Variants in CNTN5 observed in about 807,000 individuals in gnomAD.
CNTN5 encodes contactin-5.
A neutral mutation model predicts 129.1 loss-of-function variants in CNTN5; 77 were observed. The observed-to-expected ratio is 0.60, with a 90% CI of 0.50 to 0.72. The LOEUF (loss-of-function observed/expected upper bound fraction) is 0.72. Among genes scored for constraint, CNTN5 ranks in the 30% least tolerant of loss-of-function variants. The probability of loss-of-function intolerance (pLI) is 0.00; values close to 1 mark genes in which losing one functional copy is unlikely to be tolerated. For synonymous variants in CNTN5, 509 were observed against 465.6 expected (o/e 1.09, Z -1.20); for missense variants, 1,478 against 1,328.8 (o/e 1.11, Z -1.75).
intron 1 of CNTN5, among the ~76,000 whole-genome samples, chr11:99,305,478 G>A (rs1410900647): frequency 6.6e-6 from 1 of 152,026 alleles, no homozygotes; most frequent in East Asian, 1.9e-4. Context: ...AAATTTCTAG[G>A]TCAGTTTTTT....
At chr11:99,896,286 C>A (rs1158021417) in intron 6 of CNTN5, among the ~76,000 whole-genome samples, 4 of 152,280 alleles carry the variant, frequency 2.6e-5, no homozygotes, top group East Asian at 3.9e-4. Context: ...ACTTACTCAT[C>A]CCCTGGCTGA....
At chr11:99,309,581 C>A (rs900957721) in intron 1 of CNTN5, among the ~76,000 whole-genome samples, 4 of 152,180 alleles carry the variant, frequency 2.6e-5, no homozygotes, top group Admixed American at 6.6e-5. Flanking sequence ...GAAATATTTT[C>A]AACAAATAGA....
rs1952519891 is a variant in CNTN5, at chr11:100,356,163, A to T, written c.3246A>T (p.Thr1082=). The T allele has an allele frequency of 1.2e-6, 2 of 1,610,516 alleles. No homozygotes were observed. The highest frequency in any genetic ancestry group is 2.7e-5 in the African/African-American group (2 of 74,716). ...SAQSTLHSLS[T]SSSSVTLLLA... ...AGTCGACCCTTCACTCTCTCTCCACATCTTCGTCATCAGTCACCTTGCTCT... is the reference window on the plus strand; with the variant it reads ...AGTCGACCCTTCACTCTCTCTCCACTTCTTCGTCATCAGTCACCTTGCTCT... Residue 1082 remains threonine, a synonymous_variant, in exon 25 of 25, where the codon ACA becomes ACT. Transcript: ENST00000524871.
Position 99,514,969 on chromosome 11 carries a change from C to G in CNTN5, c.-70-41176C>G, listed in dbSNP as rs114332965. On this transcript the variant is annotated intron_variant, in intron 2 of 24. Transcript: ENST00000524871. ...AAAGGAAGATATTAGACTTTCATCT[C>G]ATAGCTTTTTAAAAAACGATGTGCA... Among the ~76,000 whole-genome samples the G allele has an allele frequency of 8.5e-3, 1,287 of 152,060 alleles. 20 individuals are homozygous for G. The highest frequency in any genetic ancestry group is 0.029 in the African/African-American group (1,218 of 41,502).
At chr11:100,309,191 C>G in intron 21 of CNTN5, 1 of 984,878 alleles carries the variant, frequency 1.0e-6, no homozygotes, top group Non-Finnish European at 1.2e-6. Context: ...AGCATCTGAC[C>G]CAAGACTTTA....
chr11:99,806,589 A>G (rs947805406), intron 3 of CNTN5, among the ~76,000 whole-genome samples: 9 of 151,980 alleles, frequency 5.9e-5, no homozygotes, highest in Admixed American at 2.6e-4. Context: ...TGGGCAGATC[A>G]TGAGGTCAGG....
At chr11:99,913,514 C>G (rs1949713895) in intron 6 of CNTN5, among the ~76,000 whole-genome samples, 1 of 151,698 alleles carries the variant, frequency 6.6e-6, no homozygotes, top group Admixed American at 6.6e-5. Context: ...TGCTAAAGTT[C>G]CCAGGAAATA....
At chr11:100,333,246 A>G (rs1371245983) in intron 21 of CNTN5, among the ~76,000 whole-genome samples, 1 of 151,820 alleles carries the variant, frequency 6.6e-6, no homozygotes, top group African/African-American at 2.4e-5. Context: ...AGACCTCTAC[A>G]ACAAAACACT....
At chr11:99,171,826 T>C (rs544440091) in intron 1 of CNTN5, among the ~76,000 whole-genome samples, 47 of 152,292 alleles carry the variant, frequency 3.1e-4, no homozygotes, top group African/African-American at 1.1e-3. Context: ...TACAATATAT[T>C]GGCACTTTTC....
At position 99,480,778 on chromosome 11, in the gene CNTN5, A is replaced by T. The variant is rs1329332116; in HGVS notation, c.-70-75367A>T. Among the ~76,000 whole-genome samples the T allele has an allele frequency of 2.0e-5, 3 of 152,068 alleles. No homozygotes were observed. In the South Asian group the frequency reaches 6.2e-4, roughly 32 times the overall value. ...TCTATCCAACTCACATTAGGACCTG[A>T]TATGTTACAGGCCATGAGGTATTTC... is the stretch of plus-strand genomic sequence containing the variant. On this transcript the variant is annotated intron_variant, in intron 2 of 24. Coordinates refer to ENST00000524871, the MANE Select transcript of CNTN5 (RefSeq NM_014361.4).
chr11:100,135,168 A>T (rs1946484152), intron 13 of CNTN5, among the ~76,000 whole-genome samples: 1 of 147,342 alleles, frequency 6.8e-6, no homozygotes, highest in Non-Finnish European at 1.5e-5. Context: ...TAGGTTGGAT[A>T]TAAAAGTGTT....
At chr11:100,083,930 TAATAA>T (rs1944457454) in intron 13 of CNTN5, among the ~76,000 whole-genome samples, 1 of 152,116 alleles carries the variant, frequency 6.6e-6, no homozygotes, top group Non-Finnish European at 1.5e-5. Context: ...TTGTTGAATA[TAATAA>T]AATAAGTCTC....
intron 3 of CNTN5, among the ~76,000 whole-genome samples, chr11:99,614,786 T>TA (rs1487257080): frequency 6.6e-6 from 1 of 152,130 alleles, no homozygotes; most frequent in Non-Finnish European, 1.5e-5. Flanking sequence ...TATTTTTTTT[T>TA]ATTGTACCCC....
At chr11:99,133,064 A>T (rs945656514) in intron 1 of CNTN5, among the ~76,000 whole-genome samples, 4 of 152,158 alleles carry the variant, frequency 2.6e-5, no homozygotes, top group Non-Finnish European at 5.9e-5. Context: ...AGACACATAG[A>T]CCAGTAGAAT....
intron 2 of CNTN5, among the ~76,000 whole-genome samples, chr11:99,462,342 CTTT>C (rs1187294696): frequency 1.6e-5 from 2 of 122,682 alleles, no homozygotes; most frequent in South Asian, 2.9e-4. Flanking sequence ...TCTTTTTTTT[CTTT>C]TTTTCTTTTC....
intron 13 of CNTN5, among the ~76,000 whole-genome samples, chr11:100,084,162 G>T (rs1944464648): frequency 6.6e-6 from 1 of 152,042 alleles, no homozygotes; most frequent in Non-Finnish European, 1.5e-5. Flanking sequence ...AAGTTGCCTG[G>T]TTGTGCTCTC....
At chr11:100,118,132 T>C (rs941304290) in intron 13 of CNTN5, among the ~76,000 whole-genome samples, 1 of 151,902 alleles carries the variant, frequency 6.6e-6, no homozygotes, top group East Asian at 1.9e-4. Flanking sequence ...TGGTATGAGA[T>C]AAATATGTAT....
chr11:99,257,054 A>C (rs1240502529), intron 1 of CNTN5, among the ~76,000 whole-genome samples: 2 of 152,148 alleles, frequency 1.3e-5, no homozygotes, highest in Non-Finnish European at 2.9e-5. Flanking sequence ...AGCCAGATTC[A>C]GATTCGGGTC....
At chr11:100,199,967 A>G (rs908181663) in intron 15 of CNTN5, among the ~76,000 whole-genome samples, 4 of 152,042 alleles carry the variant, frequency 2.6e-5, no homozygotes, top group African/African-American at 2.4e-5. Flanking sequence ...CAACTGCTAC[A>G]TTATTTCAGA....
Sources: allele counts gnomAD v4.1 joint callset (sites outside exome capture counted in the v4.1 genomes callset), GRCh38; gene constraint gnomAD v4.1.1; transcripts MANE v1.5; gene names NCBI Gene and HGNC (gene_info 2026-07-23, HGNC 2026-07-21).